Variants in PARN observed in about 807,000 individuals in gnomAD.
PARN encodes the protein poly(A)-specific ribonuclease.
PARN carries 71 observed loss-of-function variants against 102.8 expected under a neutral mutation model. The ratio of observed to expected loss-of-function variants is 0.69; its 90% CI spans 0.57 to 0.84. PARN has a LOEUF of 0.84. PARN is among the 40% of genes least tolerant of loss of function. The pLI is 0.00. For missense variants in PARN, 782 were observed against 760.9 expected, an observed-to-expected ratio of 1.03 and a Z score of -0.33; for synonymous variants, 261 against 252.9, an observed-to-expected ratio of 1.03 and a Z score of -0.30.
chr16:14,463,756 T>C (rs867014025), intron 22 of PARN, among the ~76,000 whole-genome samples: 1 of 143,686 alleles, frequency 7.0e-6, no homozygotes. Context: ...GTAATTGGAG[T>C]CCCTAAAAGA....
intron 22 of PARN, 69 bp from the exon 23 acceptor site, chr16:14,447,150 T>C: frequency 9.8e-7 from 1 of 1,017,998 alleles, no homozygotes; most frequent in Non-Finnish European, 1.4e-6. Flanking sequence ...TATAAAAATA[T>C]TTTAATACTC....
At chr16:14,627,776 C>A (rs919226204) in intron 3 of PARN, among the ~76,000 whole-genome samples, 1 of 152,076 alleles carries the variant, frequency 6.6e-6, no homozygotes, top group African/African-American at 2.4e-5. Context: ...TCATTTGACG[C>A]CAGAAGTTCG....
chr16:14,542,817 G>C (rs1966849696), intron 21 of PARN, among the ~76,000 whole-genome samples: 1 of 152,190 alleles, frequency 6.6e-6, no homozygotes, highest in South Asian at 2.1e-4. Flanking sequence ...AAAAGGAACA[G>C]AGCATTAGGA....
chr16:14,557,021 T>C (rs1262324058), intron 18 of PARN, among the ~76,000 whole-genome samples: 2 of 152,200 alleles, frequency 1.3e-5, no homozygotes, highest in Non-Finnish European at 2.9e-5. Context: ...AAAAGAGTGC[T>C]TGTAAATTAC....
At chr16:14,502,918 T>C (rs1197703995) in intron 21 of PARN, among the ~76,000 whole-genome samples, 2 of 152,114 alleles carry the variant, frequency 1.3e-5, no homozygotes, top group Non-Finnish European at 2.9e-5. Flanking sequence ...TTACCAGAGA[T>C]CAGGGAGGAA....
Position 14,580,951 on chromosome 16 carries a change from A to G in PARN, c.1193-8T>C. 1 of 1,572,268 alleles carries G rather than the reference A, an allele frequency of 6.4e-7. No individual in the cohort carries two copies. The highest frequency in any genetic ancestry group is 8.8e-7 in the Non-Finnish European group (1 of 1,142,254). On this transcript the variant is annotated splice_polypyrimidine_tract_variant and splice_region_variant and intron_variant, in intron 17 of 23. Coordinates refer to ENST00000437198, the MANE Select transcript of PARN (RefSeq NM_002582.4). ...GAGGGCTGAGAAAAGAACCTAATGA[A>G]GAAAAGAAGAGAGGTATTATTATTC...
intron 6 of PARN, among the ~76,000 whole-genome samples, chr16:14,613,529 G>A (rs918761269): frequency 2.6e-5 from 4 of 151,734 alleles, no homozygotes; most frequent in African/African-American, 9.7e-5. Context: ...AGGCTGAGGT[G>A]GGATAATCAC....
intron 6 of PARN, among the ~76,000 whole-genome samples, chr16:14,615,730 A>T (rs1256696114): frequency 1.3e-5 from 2 of 151,996 alleles, no homozygotes; most frequent in Non-Finnish European, 2.9e-5. Flanking sequence ...GTGAAACCCC[A>T]TCGCTACTAA....
In PARN at chr16:14,499,034, T is replaced by G. The variant is rs183366820; in HGVS notation, c.1481-16207A>C. 3.9e-5 allele frequency among the ~76,000 whole-genome samples: 6 copies of G among 152,370 alleles called. No individual in the cohort carries two copies. The East Asian group carries it at 1.2e-3, about 29-fold the overall frequency. ...TTGAAGTCCCATCCTGCCTGGGCAT[T>G]TAACACAATGATTCTACACTTGTAT... On this transcript the variant is annotated intron_variant, in intron 21 of 23. Transcript: ENST00000437198.
chr16:14,593,214 G>A (rs1970301942), intron 13 of PARN, 87 bp downstream of exon 13: 2 of 751,802 alleles, frequency 2.7e-6, no homozygotes, highest in South Asian at 3.1e-5. Context: ...CCAAGTAGAG[G>A]ACAGTTCAGT....
At chr16:14,543,932 C>T (rs186939357) in intron 21 of PARN, among the ~76,000 whole-genome samples, 33 of 152,292 alleles carry the variant, frequency 2.2e-4, no homozygotes, top group Non-Finnish European at 4.4e-4. Context: ...CGGTGGCTCA[C>T]GCCTGTAATC....
intron 5 of PARN, among the ~76,000 whole-genome samples, chr16:14,621,472 A>C (rs1972294811): frequency 6.6e-6 from 1 of 152,222 alleles, no homozygotes; most frequent in African/African-American, 2.4e-5. Flanking sequence ...ATACGGTTAG[A>C]ATAGTAAAAT....
chr16:14,603,108 G>A (rs1331475668), intron 11 of PARN, among the ~76,000 whole-genome samples: 1 of 151,992 alleles, frequency 6.6e-6, no homozygotes, highest in African/African-American at 2.4e-5. Flanking sequence ...ATTTTTTGTA[G>A]AGATGGGGTT....
intron 23 of PARN, among the ~76,000 whole-genome samples, chr16:14,444,980 T>TA (rs1567283068): frequency 6.7e-6 from 1 of 150,104 alleles, no homozygotes; most frequent in African/African-American, 2.5e-5. Flanking sequence ...AGCTAATATT[T>TA]AAATTTTTTT....
rs577428830 is a variant in PARN, at chr16:14,582,083, A to G, written c.1192+98T>C. The stretch of plus-strand genomic sequence containing the variant: ...AATAAATGTCTGTTGTTTAAGCCCC[A>G]CACTCGACAGTAATTTATTACAGCA... On this transcript the variant is annotated intron_variant, in intron 17 of 23. Coordinates refer to ENST00000437198, the MANE Select transcript of PARN (RefSeq NM_002582.4). The G allele has an allele frequency of 8.6e-6, 7 of 810,058 alleles. No individual in the cohort carries two copies. In the South Asian group the frequency reaches 9.8e-5, roughly 11 times the overall value. 50.2% of individuals were successfully genotyped at this position (810,058 alleles called of 1,614,324 possible).
At chr16:14,530,389 T>C (rs768045377) in intron 21 of PARN, among the ~76,000 whole-genome samples, 1 of 152,134 alleles carries the variant, frequency 6.6e-6, no homozygotes, top group Admixed American at 6.5e-5. Flanking sequence ...AAAAGAGTAA[T>C]TCTTCTTTAA....
chr16:14,504,496 T>C (rs1401951744), intron 21 of PARN, among the ~76,000 whole-genome samples: 1 of 151,866 alleles, frequency 6.6e-6, no homozygotes, highest in African/African-American at 2.4e-5. Context: ...GAGGCGGAGG[T>C]TGCAGTGAGC....
Position 14,476,194 on chromosome 16 carries a change from G to A in PARN, c.1670+6444C>T, listed in dbSNP as rs567002437. Among the ~76,000 whole-genome samples the A allele has an allele frequency of 7.9e-5, 12 of 152,056 alleles. No individual in the cohort carries two copies. The South Asian group carries it at 2.3e-3, about 29-fold the overall frequency. On this transcript the variant is annotated intron_variant, in intron 22 of 23. Transcript: ENST00000437198. ...TGTTCAAATATCTACCATTTAAAAA[G>A]GAAAAAGAAGTCAAATTAATTTAAT...
At chr16:14,444,435 T>C (rs1243200762) in intron 23 of PARN, among the ~76,000 whole-genome samples, 1 of 152,198 alleles carries the variant, frequency 6.6e-6, no homozygotes, top group Non-Finnish European at 1.5e-5. Flanking sequence ...TACAGTATTA[T>C]AAATTCAAAA....
Sources: gnomAD v4.1 joint callset for allele counts (sites outside exome capture counted in the v4.1 genomes callset) on GRCh38, gnomAD v4.1.1 for gene constraint, MANE v1.5 for transcripts, NCBI Gene and HGNC (gene_info 2026-07-23, HGNC 2026-07-21) for gene names.